The following SECISBP2 variants were observed in gnomAD, a reference collection of about 807,000 sequenced individuals.
SECISBP2 encodes the protein selenocysteine insertion sequence-binding protein 2.
SECISBP2 carries 96 observed loss-of-function variants against 98.2 expected under a neutral mutation model. The ratio of observed to expected loss-of-function variants is 0.98; its 90% CI spans 0.83 to 1.16. The LOEUF (loss-of-function observed/expected upper bound fraction) is 1.16, where lower values mean the gene tolerates loss of function less well. Ranked by LOEUF, SECISBP2 falls within the 50% of genes most tolerant of loss-of-function variation. SECISBP2 has a pLI of 0.00. For synonymous variants in SECISBP2, 407 were observed against 370.2 expected, an observed-to-expected ratio of 1.10 and a Z score of -1.14; for missense variants, 1,046 against 1,022.9, an observed-to-expected ratio of 1.02 and a Z score of -0.31.
At chr9:89,362,872 A>G (rs1378443269), downstream of SECISBP2, among the ~76,000 whole-genome samples, 2 of 152,194 alleles carry the variant, frequency 1.3e-5, no homozygotes, top group African/African-American at 2.4e-5. Flanking sequence ...TCGGCTATTT[A>G]GGAGCCGGGG....
At chr9:89,325,211 C>A (rs1826479191) in intron 2 of SECISBP2, 10 of 566,372 alleles carry the variant, frequency 1.8e-5, no homozygotes, top group South Asian at 4.1e-5. Context: ...TTACGGACTT[C>A]CAGCTCATTA....
downstream of SECISBP2, among the ~76,000 whole-genome samples, chr9:89,362,933 G>A (rs557010545): frequency 6.6e-6 from 1 of 152,276 alleles, no homozygotes; most frequent in South Asian, 2.1e-4. Context: ...GGGAGCCTCT[G>A]CCCCACTGCC....
At chr9:89,353,207 C>T (rs1831544442) in intron 14 of SECISBP2, among the ~76,000 whole-genome samples, 1 of 152,152 alleles carries the variant, frequency 6.6e-6, no homozygotes, top group Non-Finnish European at 1.5e-5. Context: ...ATTTGTACTT[C>T]CAGCAAGTTC....
intron 4 of SECISBP2, among the ~76,000 whole-genome samples, chr9:89,327,892 C>A (rs562443590): frequency 8.8e-4 from 133 of 150,824 alleles, no homozygotes; most frequent in African/African-American, 3.1e-3. Context: ...CTCACTGCAA[C>A]CTCTGCCTCC....
chr9:89,340,702 C>T (rs1829523729), intron 9 of SECISBP2, among the ~76,000 whole-genome samples: 2 of 152,158 alleles, frequency 1.3e-5, no homozygotes, highest in African/African-American at 2.4e-5. Flanking sequence ...TTGGTGTCCT[C>T]TAAGAGAACA....
chr9:89,334,875 G>A, intron 7 of SECISBP2, 145 bp downstream of exon 7: 3 of 698,484 alleles, frequency 4.3e-6, no homozygotes, highest in South Asian at 3.1e-5. Context: ...GATGATGGTT[G>A]CACAACAGTG....
chr9:89,328,816 C>T lies in SECISBP2; in HGVS notation c.731C>T (p.Pro244Leu), dbSNP rs778585441. 4 of 1,614,192 alleles carry T rather than the reference C, an allele frequency of 2.5e-6. No individual in the cohort carries two copies. The highest frequency in any genetic ancestry group is 1.1e-5 in the South Asian group (1 of 91,088). Residue 244 changes from proline to leucine, a missense_variant, in exon 5 of 17, where the codon CCT becomes CTT. By Grantham distance (98) the Pro-to-Leu change is moderately conservative. Coordinates refer to ENST00000375807, the MANE Select transcript of SECISBP2 (RefSeq NM_024077.5). ...SEIQKQPKWG[P>L]VHSVSTDISL... ...ATACAGAAGCAACCCAAGTGGGGAC[C>T]TGTCCACTCTGTCTCTACCGACATT...
chr9:89,362,140 T>TG, downstream of SECISBP2: 1 of 587,656 alleles, frequency 1.7e-6, no homozygotes, highest in Non-Finnish European at 3.0e-6. Flanking sequence ...GTTACCTGCT[T>TG]GTGCCAGACA....
At position 89,332,993 on chromosome 9, in the gene SECISBP2, G is replaced by A. The variant is rs1828009109; in HGVS notation, c.880+7G>A. 1.2e-6 allele frequency: 2 copies of A among 1,611,420 alleles called. No individual in the cohort carries two copies. The highest frequency in any genetic ancestry group is 1.3e-5 in the African/African-American group (1 of 74,800). ...TCTCCTTCATGTACAAGAGGTAAAA[G>A]TGGCTGCAAAAATGTTAATTTTTAA... On this transcript the variant is annotated splice_region_variant and intron_variant, in intron 6 of 16. Transcript: ENST00000375807.
At chr9:89,334,927 A>G (rs768959916) in intron 7 of SECISBP2, among the ~76,000 whole-genome samples, 197 bp downstream of exon 7, 1 of 152,202 alleles carries the variant, frequency 6.6e-6, no homozygotes, top group Non-Finnish European at 1.5e-5. Context: ...AAAAATAGTT[A>G]AGACGGGCCG....
Position 89,339,967 on chromosome 9 carries a change from TGAAACCACAAATTGCTTTAGGC to T in SECISBP2, c.1302+15_1302+36del, listed in dbSNP as rs756467513. ...CAGCAGCCACAGGTAATTTTTAGAT[TGAAACCACAAATTGCTTTAGGC>T]TTAACTCTTCTGGCTCAACTAAATG... On this transcript the variant is annotated intron_variant, in intron 9 of 16. Coordinates refer to ENST00000375807, the MANE Select transcript of SECISBP2 (RefSeq NM_024077.5). 7 of 1,574,002 alleles carry T rather than the reference TGAAACCACAAATTGCTTTAGGC, an allele frequency of 4.4e-6. No homozygotes were observed. Among genetic ancestry groups the T allele is most frequent in the Non-Finnish European group, 5.2e-6 (6 of 1,144,140 alleles).
chr9:89,342,567 A>C (rs1257163776), intron 10 of SECISBP2, among the ~76,000 whole-genome samples: 4 of 152,232 alleles, frequency 2.6e-5, no homozygotes, highest in African/African-American at 9.6e-5. Context: ...TGGTATACCT[A>C]CACAATGTAA....
intron 12 of SECISBP2, among the ~76,000 whole-genome samples, chr9:89,348,666 C>T (rs1257894796): frequency 2.0e-5 from 3 of 152,236 alleles, no homozygotes; most frequent in African/African-American, 2.4e-5. Context: ...TCACAGTGAC[C>T]GCCGCATTCA....
chr9:89,339,896 A>G lies in SECISBP2; in HGVS notation c.1245A>G (p.Ala415=). Residue 415 remains alanine, a synonymous_variant, in exon 9 of 17, where the codon GCA becomes GCG. Coordinates refer to ENST00000375807, the MANE Select transcript of SECISBP2 (RefSeq NM_024077.5). The stretch of plus-strand genomic sequence containing the variant: ...AGGAATTTCCCAACCTGGCAGTTGC[A>G]TCTGAAAGAAGAGACAGAATAGAGA... ...DAEEFPNLAV[A]SERRDRIETP... The G allele has an allele frequency of 6.2e-7, 1 of 1,613,936 alleles. No homozygotes were observed. The highest frequency in any genetic ancestry group is 8.5e-7 in the Non-Finnish European group (1 of 1,179,846).
chr9:89,350,528 T>C (rs1564430316), intron 13 of SECISBP2, 104 bp from the exon 14 acceptor site: 5 of 1,010,126 alleles, frequency 4.9e-6, no homozygotes, highest in East Asian at 2.4e-5. Flanking sequence ...AACGTGACTT[T>C]TTGTCTGATG....
intron 14 of SECISBP2, among the ~76,000 whole-genome samples, chr9:89,353,683 T>C (rs1247820773): frequency 2.0e-5 from 3 of 152,204 alleles, no homozygotes; most frequent in Non-Finnish European, 2.9e-5. Context: ...TTTGCTGTTG[T>C]CTCTCACATT....
intron 10 of SECISBP2, among the ~76,000 whole-genome samples, chr9:89,346,086 G>T (rs1240063690): frequency 6.6e-6 from 1 of 152,230 alleles, no homozygotes; most frequent in East Asian, 1.9e-4. Context: ...AAATACATTT[G>T]GAGAAATATT....
At chr9:89,333,752 G>A (rs1443971694) in intron 6 of SECISBP2, among the ~76,000 whole-genome samples, 1 of 152,248 alleles carries the variant, frequency 6.6e-6, no homozygotes, top group Admixed American at 6.5e-5. Context: ...AGAGTTCCAT[G>A]TACCCTGCTT....
At chr9:89,343,144 G>C (rs867389480) in intron 10 of SECISBP2, among the ~76,000 whole-genome samples, 48 of 152,276 alleles carry the variant, frequency 3.2e-4, no homozygotes, top group African/African-American at 1.2e-3. Flanking sequence ...GCACCACTGG[G>C]AACAGTGTTG....
Sources: gnomAD v4.1 joint callset for allele counts (sites outside exome capture counted in the v4.1 genomes callset) on GRCh38, gnomAD v4.1.1 for gene constraint, MANE v1.5 for transcripts, NCBI Gene and HGNC (gene_info 2026-07-23, HGNC 2026-07-21) for gene names.